STOX2: variants seen among roughly 807,000 people sequenced by gnomAD.
The protein encoded by STOX2 is storkhead box 2, also known as storkhead-box protein 2.
STOX2 carries 28 observed loss-of-function variants against 60.9 expected under a neutral mutation model. That is an observed-to-expected ratio of 0.46 (90% confidence interval 0.34 to 0.63). The LOEUF (loss-of-function observed/expected upper bound fraction) is 0.63. Among genes scored for constraint, STOX2 ranks in the 30% least tolerant of loss-of-function variants. The pLI, the probability that STOX2 is intolerant of heterozygous loss-of-function variation, is 0.01. For missense variants in STOX2, 1,024 were observed against 1,187.7 expected (o/e 0.86, Z 2.03); for synonymous variants, 472 against 463.9 (o/e 1.02, Z -0.22).
At chr4:183,872,335 C>T (rs776547383) in intron 1 of STOX2, among the ~76,000 whole-genome samples, 3 of 152,152 alleles carry the variant, frequency 2.0e-5, no homozygotes, top group East Asian at 1.9e-4. Flanking sequence ...GGATTACAGA[C>T]GTGAACCACT....
chr4:183,852,150 A>AGG (rs1454919907), intron 1 of STOX2, among the ~76,000 whole-genome samples: 19 of 146,556 alleles, frequency 1.3e-4, no homozygotes, highest in Non-Finnish European at 1.6e-4. Flanking sequence ...GGAAAGGATG[A>AGG]GAGAAAGGAT....
At chr4:183,868,239 C>T (rs1480085888) in intron 1 of STOX2, among the ~76,000 whole-genome samples, 1 of 152,032 alleles carries the variant, frequency 6.6e-6, no homozygotes, top group African/African-American at 2.4e-5. Flanking sequence ...GGCCAGAATA[C>T]CAGAGAGCCA....
In STOX2 at chr4:183,961,325, G is replaced by C. The variant is rs138708516; in HGVS notation, c.167-40000G>C. On this transcript the variant is annotated intron_variant, in intron 1 of 3. Coordinates refer to ENST00000308497, the MANE Select transcript of STOX2 (RefSeq NM_020225.3). ...ATAAGCCTTTAAAAGCATAAACAAA[G>C]AATAAAAACACATCGAACGACAAGT... 9.1e-3 allele frequency among the ~76,000 whole-genome samples: 1,380 copies of C among 152,192 alleles called. 11 individuals are homozygous for C. Among genetic ancestry groups the C allele is most frequent in the Middle Eastern group, 0.017 (5 of 294 alleles).
Position 183,884,146 on chromosome 4 carries a change from G to A in STOX2, c.364+86091G>A, listed in dbSNP as rs376574929. ...TGGGATTACAGGCGCGAGCCACTGC[G>A]CCTGGCCCAAAACTAGTAAATTTTA... is the stretch of plus-strand genomic sequence containing the variant. On this transcript the variant is annotated intron_variant, in intron 1 of 2. Transcript: ENST00000513034. Among the ~76,000 whole-genome samples the A allele has an allele frequency of 1.7e-3, 257 of 152,292 alleles. 3 individuals are homozygous for A. Among genetic ancestry groups the A allele is most frequent in the African/African-American group, 5.8e-3 (241 of 41,570 alleles).
rs770905118 is a variant in STOX2, at chr4:184,010,256, A to G, written c.1418A>G (p.His473Arg). ...TCAAAAGTGCACCGAAGCCACAGCC[A>G]TACACAGGACCGGAGGTCCAGGAAT... ...SHSKVHRSHS[H>R]TQDRRSRNER... Residue 473 changes from histidine to arginine, a missense_variant, in exon 3 of 4, where the codon CAT becomes CGT. His to Arg is a conservative substitution (Grantham distance 29, BLOSUM62 0). Transcript: ENST00000308497. The surrounding 1 kb of genome is among the most constrained non-coding windows in gnomAD (Gnocchi z 4.5). 7 of 1,570,008 alleles carry G rather than the reference A, an allele frequency of 4.5e-6. No individual in the cohort carries two copies. In the East Asian group the frequency reaches 1.4e-4, roughly 32 times the overall value.
chr4:183,805,163 A>T (rs773672652), intron 1 of STOX2, among the ~76,000 whole-genome samples: 2 of 152,204 alleles, frequency 1.3e-5, no homozygotes, highest in Non-Finnish European at 2.9e-5. Context: ...AAAATATCAC[A>T]CACAGTGATG....
chr4:183,822,114 T>A (rs1250866146), intron 1 of STOX2, among the ~76,000 whole-genome samples: 3 of 152,200 alleles, frequency 2.0e-5, no homozygotes, highest in Non-Finnish European at 2.9e-5. Flanking sequence ...GCCACCCACG[T>A]GCTAGGGAGC....
chr4:183,833,287 G>A (rs1471526469), intron 1 of STOX2, among the ~76,000 whole-genome samples: 1 of 152,094 alleles, frequency 6.6e-6, no homozygotes, highest in African/African-American at 2.4e-5. Context: ...TCCCTTCGTG[G>A]TTACTTAGCA....
intron 1 of STOX2, among the ~76,000 whole-genome samples, chr4:183,845,293 T>C (rs774090369): frequency 6.6e-6 from 1 of 152,076 alleles, no homozygotes; most frequent in Non-Finnish European, 1.5e-5. Context: ...CAGGGGAAGA[T>C]CATTCCATCC....
chr4:183,975,212 A>T (rs1344888326), intron 1 of STOX2, among the ~76,000 whole-genome samples: 1 of 152,092 alleles, frequency 6.6e-6, no homozygotes, highest in African/African-American at 2.4e-5. Flanking sequence ...AATATGGAGG[A>T]TTAAACCCTC....
At chr4:183,950,081 T>G (rs1314340833) in intron 1 of STOX2, among the ~76,000 whole-genome samples, 2 of 152,268 alleles carry the variant, frequency 1.3e-5, no homozygotes, top group Non-Finnish European at 2.9e-5. Flanking sequence ...ATTGGATTAA[T>G]CTGCTAACTG....
intron 1 of STOX2, among the ~76,000 whole-genome samples, chr4:183,850,222 C>T (rs950760299): frequency 1.3e-5 from 2 of 151,808 alleles, no homozygotes; most frequent in Admixed American, 6.6e-5. Context: ...ATCTGCCTGC[C>T]TCGGCCTCCC....
chr4:183,863,829 G>A (rs1295502147), intron 1 of STOX2, among the ~76,000 whole-genome samples: 1 of 152,022 alleles, frequency 6.6e-6, no homozygotes, highest in African/African-American at 2.4e-5. Flanking sequence ...GTTTGCTCTT[G>A]CCTAGGGATT....
chr4:183,946,603 G>A (rs768459770), intron 1 of STOX2, among the ~76,000 whole-genome samples: 5 of 149,788 alleles, frequency 3.3e-5, no homozygotes, highest in Admixed American at 1.4e-4. Flanking sequence ...CCTAAATAAC[G>A]TAACAACTAT....
intron 1 of STOX2, among the ~76,000 whole-genome samples, chr4:183,911,318 G>T (rs534049932): frequency 6.6e-6 from 1 of 152,268 alleles, no homozygotes; most frequent in South Asian, 2.1e-4. Flanking sequence ...AATGAGGGGG[G>T]AAGAAATAAA....
chr4:183,803,780 T>C (rs779022376), intron 1 of STOX2, among the ~76,000 whole-genome samples: 1 of 152,078 alleles, frequency 6.6e-6, no homozygotes, highest in Non-Finnish European at 1.5e-5. Context: ...CTGGCCAACA[T>C]GGTGAAACCC....
At chr4:184,002,852 C>T (rs1251939264) in intron 2 of STOX2, among the ~76,000 whole-genome samples, 1 of 152,198 alleles carries the variant, frequency 6.6e-6, no homozygotes, top group Non-Finnish European at 1.5e-5. Context: ...AACGTTTTCT[C>T]CTTCTCCTTG....
chr4:183,939,710 G>A (rs1026890207), intron 1 of STOX2, among the ~76,000 whole-genome samples: 1 of 151,972 alleles, frequency 6.6e-6, no homozygotes, highest in Non-Finnish European at 1.5e-5. Context: ...TGGGTTGGAC[G>A]GTCCCAGGCT....
intron 1 of STOX2, among the ~76,000 whole-genome samples, chr4:183,876,317 G>C (rs1393251755): frequency 6.6e-6 from 1 of 152,196 alleles, no homozygotes; most frequent in African/African-American, 2.4e-5. Context: ...GTGCGTAATG[G>C]CTTTCCAGAG....
Sources: gnomAD v4.1 joint callset for allele counts (sites outside exome capture counted in the v4.1 genomes callset) on GRCh38, gnomAD v4.1.1 for gene constraint, Gnocchi (gnomAD v3.1) non-coding constraint, MANE v1.5 for transcripts, NCBI Gene and HGNC (gene_info 2026-07-23, HGNC 2026-07-21) for gene names.